The following PRIMA1 variants were observed in gnomAD, a reference collection of about 807,000 sequenced individuals.
PRIMA1 encodes the protein proline-rich membrane anchor 1.
In PRIMA1, 7 loss-of-function variants were observed where a neutral mutation model predicts 17.5. The ratio of observed to expected loss-of-function variants is 0.40; its 90% confidence interval spans 0.23 to 0.75. The LOEUF is 0.75. Among genes scored for constraint, PRIMA1 ranks in the 30% least tolerant of loss-of-function variants. The pLI is 0.37. For missense variants in PRIMA1, 200 were observed against 201.8 expected (o/e 0.99, Z 0.05); for synonymous variants, 97 against 77.9 (o/e 1.25, Z -1.29).
intron 3 of PRIMA1, among the ~76,000 whole-genome samples, chr14:93,772,489 C>T (rs533114736): frequency 1.1e-4 from 16 of 152,376 alleles, no homozygotes; most frequent in African/African-American, 3.6e-4. Flanking sequence ...CCTTCCATGG[C>T]CTCCGCCATC....
In PRIMA1 at chr14:93,719,039, T is replaced by C. The variant is rs1239218290; in HGVS notation, c.*2405A>G. The C allele has an allele frequency of 6.6e-6, 1 of 152,174 alleles. No homozygotes were observed. Among genetic ancestry groups the C allele is most frequent in the Non-Finnish European group, 1.5e-5 (1 of 68,036 alleles). 9.4% of individuals were successfully genotyped at this position (152,174 alleles called of 1,614,324 possible). On this transcript the variant is annotated 3_prime_UTR_variant, in exon 5 of 5. Coordinates refer to ENST00000393140, the MANE Select transcript of PRIMA1 (RefSeq NM_178013.4). ...CCTTGCTGTGCCGTATACTTGTTTTTTGAATGGGCGGTCTTGGGCTTGAGG... is the reference window on the plus strand; with the variant it reads ...CCTTGCTGTGCCGTATACTTGTTTTCTGAATGGGCGGTCTTGGGCTTGAGG...
At chr14:93,745,737 C>T (rs2076213214) in intron 3 of PRIMA1, among the ~76,000 whole-genome samples, 1 of 152,260 alleles carries the variant, frequency 6.6e-6, no homozygotes, top group East Asian at 1.9e-4. Context: ...CCCCTGCCAG[C>T]CCCTCCTTCC....
intron 3 of PRIMA1, among the ~76,000 whole-genome samples, chr14:93,764,517 G>A (rs558584950): frequency 1.3e-4 from 20 of 152,026 alleles, no homozygotes; most frequent in Non-Finnish European, 2.1e-4. Flanking sequence ...CTCTCCCTGC[G>A]GGTTCACCAT....
In PRIMA1 at chr14:93,719,424, C is replaced by G. The variant is rs1217637379; in HGVS notation, c.*2020G>C. 3 of 152,146 alleles carry G rather than the reference C, an allele frequency of 2.0e-5. No individual in the cohort carries two copies. The highest frequency in any genetic ancestry group is 6.5e-5 in the Admixed American group (1 of 15,286). The allele number at this position is 152,146 out of a possible 1,614,324, so 9.4% of individuals were successfully genotyped here. On this transcript the variant is annotated 3_prime_UTR_variant, in exon 5 of 5. Coordinates refer to ENST00000393140, the MANE Select transcript of PRIMA1 (RefSeq NM_178013.4). ...CACTCCATGGTCCCTTAGCCAGGAA[C>G]CTCCCCTCTTAGAGAAGGTGCCCTC...
intron 4 of PRIMA1, among the ~76,000 whole-genome samples, chr14:93,734,683 C>T (rs2076137767): frequency 6.6e-6 from 1 of 151,560 alleles, no homozygotes; most frequent in African/African-American, 2.4e-5. Context: ...AGAAGCCCCG[C>T]CCACACCACA....
chr14:93,758,124 C>T lies in PRIMA1; in HGVS notation c.230-20754G>A, dbSNP rs1377827359. Among the ~76,000 whole-genome samples the T allele has an allele frequency of 2.6e-5, 4 of 152,234 alleles. No individual in the cohort carries two copies. The East Asian group carries it at 7.7e-4, about 29-fold the overall frequency. The stretch of plus-strand genomic sequence containing the variant: ...TCCTGCCTCCCTCGCTTCCTTACAG[C>T]TTCCTCCTGGGTACACCCCTGTCTC... On this transcript the variant is annotated intron_variant, in intron 3 of 4. Coordinates refer to ENST00000393140, the MANE Select transcript of PRIMA1 (RefSeq NM_178013.4).
intron 3 of PRIMA1, among the ~76,000 whole-genome samples, chr14:93,744,895 G>T (rs996566541): frequency 2.6e-5 from 4 of 152,150 alleles, no homozygotes; most frequent in African/African-American, 7.2e-5. Flanking sequence ...AGCTCCTGGG[G>T]GTGCCTCAGT....
In PRIMA1 at chr14:93,756,372, G is replaced by A. The variant is rs112948537; in HGVS notation, c.230-19002C>T. 3.8e-3 allele frequency among the ~76,000 whole-genome samples: 584 copies of A among 152,202 alleles called. 6 individuals carry two copies. Among genetic ancestry groups the A allele is most frequent in the Middle Eastern group, 0.014 (4 of 294 alleles). ...TTGATTTTAATCTATCATCTCTCTG[G>A]GAATAAAGGAGGGAAATGAAGCTGT... is the stretch of plus-strand genomic sequence containing the variant. On this transcript the variant is annotated intron_variant, in intron 3 of 4. Transcript: ENST00000393140.
At chr14:93,772,140 A>G (rs575639853) in intron 3 of PRIMA1, among the ~76,000 whole-genome samples, 50 of 152,348 alleles carry the variant, frequency 3.3e-4, no homozygotes, top group Non-Finnish European at 4.9e-4. Flanking sequence ...TGGGTGGGTA[A>G]AAAGGAAGCA....
At chr14:93,731,756 T>C (rs1319200493) in intron 4 of PRIMA1, among the ~76,000 whole-genome samples, 2 of 152,222 alleles carry the variant, frequency 1.3e-5, no homozygotes, top group Non-Finnish European at 2.9e-5. Context: ...GACTGTCTTG[T>C]TTCTTCTGCA....
upstream of PRIMA1, among the ~76,000 whole-genome samples, chr14:93,788,762 C>T (rs2141202089): frequency 6.6e-6 from 1 of 152,062 alleles, no homozygotes. Flanking sequence ...CGGCACCCCG[C>T]TCCCAGGGCC....
chr14:93,737,510 G>A, intron 3 of PRIMA1, 140 bp from the exon 4 acceptor site: 1 of 944,950 alleles, frequency 1.1e-6, no homozygotes, highest in Non-Finnish European at 1.6e-6. Flanking sequence ...ACCAACAGAG[G>A]CGTGGGGAGG....
chr14:93,767,517 G>A (rs1419301872), intron 3 of PRIMA1, among the ~76,000 whole-genome samples: 1 of 152,184 alleles, frequency 6.6e-6, no homozygotes, highest in Admixed American at 6.5e-5. Context: ...TGACCCTTCA[G>A]CAAACTCATG....
chr14:93,760,185 G>T (rs2076318424), intron 3 of PRIMA1, among the ~76,000 whole-genome samples: 1 of 152,204 alleles, frequency 6.6e-6, no homozygotes, highest in Non-Finnish European at 1.5e-5. Context: ...GGTTGCCACA[G>T]TGAGGAACCG....
chr14:93,762,500 C>G (rs1884763953), intron 3 of PRIMA1, among the ~76,000 whole-genome samples: 1 of 152,002 alleles, frequency 6.6e-6, no homozygotes, highest in East Asian at 1.9e-4. Flanking sequence ...GGACACCACC[C>G]ATCAGAACCA....
At chr14:93,739,642 T>A (rs1358473267) in intron 3 of PRIMA1, among the ~76,000 whole-genome samples, 2 of 152,142 alleles carry the variant, frequency 1.3e-5, no homozygotes, top group Non-Finnish European at 2.9e-5. Flanking sequence ...AGGGAGCAGT[T>A]ACTGATTTGT....
chr14:93,752,077 C>A (rs2076263240), intron 3 of PRIMA1, among the ~76,000 whole-genome samples: 1 of 152,164 alleles, frequency 6.6e-6, no homozygotes, highest in South Asian at 2.1e-4. Context: ...ATGCTCGCTT[C>A]TCTTTCCAGA....
chr14:93,721,470 C>T lies in PRIMA1; in HGVS notation c.436G>A (p.Val146Ile). Reference sequence around the variant, plus strand: ...CACACCACTGCGTTGTTCACGTCTACTCCTTTGTTGCTCTGCGAAGCACTC... The same window carrying T: ...CACACCACTGCGTTGTTCACGTCTATTCCTTTGTTGCTCTGCGAAGCACTC... ...PMSASQSNKG[V>I]DVNNAVV is the part of the protein sequence containing the mutation. Residue 146 changes from valine to isoleucine, a missense_variant, in exon 5 of 5, where the codon GTA becomes ATA. Transcript: ENST00000393140. 1 of 1,613,712 alleles carries T rather than the reference C, an allele frequency of 6.2e-7. No homozygotes were observed. Among genetic ancestry groups the T allele is most frequent in the Non-Finnish European group, 8.5e-7 (1 of 1,179,642 alleles).
In PRIMA1 at chr14:93,739,093, C is replaced by T. The variant is rs531397340; in HGVS notation, c.230-1723G>A. On this transcript the variant is annotated intron_variant, in intron 3 of 4. Coordinates refer to ENST00000393140, the MANE Select transcript of PRIMA1 (RefSeq NM_178013.4). The stretch of plus-strand genomic sequence containing the variant: ...TTGAGACGGAGTTTCGCTCTTGTTG[C>T]CCAGGCTGGAGTGCAGTGGCACGAT... Among the ~76,000 whole-genome samples the T allele has an allele frequency of 8.5e-4, 129 of 151,270 alleles. 1 individual carries two copies. Among genetic ancestry groups the T allele is most frequent in the Admixed American group, 1.8e-3 (27 of 15,188 alleles).
Sources: gnomAD v4.1 joint callset for allele counts (sites outside exome capture counted in the v4.1 genomes callset) on GRCh38, gnomAD v4.1.1 for gene constraint, MANE v1.5 for transcripts, NCBI Gene and HGNC (gene_info 2026-07-23, HGNC 2026-07-21) for gene names.